AZIN1: variants seen among roughly 807,000 people sequenced by gnomAD.
AZIN1 encodes antizyme inhibitor 1.
In AZIN1, 12 loss-of-function variants were observed where a neutral mutation model predicts 47.4. The observed-to-expected ratio is 0.25, with a 90% CI of 0.16 to 0.41. AZIN1 has a LOEUF of 0.41. Ranked by LOEUF, AZIN1 falls within the 10% of genes least tolerant of loss-of-function variation. The pLI is 1.00. For synonymous variants in AZIN1, 155 were observed against 176.3 expected (o/e 0.88, Z 0.96); for missense variants, 410 against 532.4 (o/e 0.77, Z 2.26).
chr8:102,855,660 C>T (rs1310242043), intron 2 of AZIN1: 2 of 152,172 alleles, frequency 1.3e-5, no homozygotes, highest in Non-Finnish European at 2.9e-5. Flanking sequence ...GTTCATATAG[C>T]TACATGCTTT....
chr8:102,834,841 A>G, intron 6 of AZIN1, 94 bp from the exon 7 acceptor site: 1 of 785,852 alleles, frequency 1.3e-6, no homozygotes, highest in Middle Eastern at 2.4e-4. Context: ...TATTCATACC[A>G]TTAAGTATCC....
At chr8:102,851,370 A>G (rs755056851) in intron 2 of AZIN1, among the ~76,000 whole-genome samples, 4 of 152,240 alleles carry the variant, frequency 2.6e-5, no homozygotes, top group Non-Finnish European at 5.9e-5. Context: ...ATACATGTGC[A>G]ATACAGTAAT....
At chr8:102,847,894 T>TC (rs2131253931) in intron 2 of AZIN1, among the ~76,000 whole-genome samples, 1 of 152,312 alleles carries the variant, frequency 6.6e-6, no homozygotes, top group African/African-American at 2.4e-5. Flanking sequence ...TCTGTCCAGC[T>TC]CTTTCACATT....
At chr8:102,861,895 T>C (rs556301873) in intron 1 of AZIN1, among the ~76,000 whole-genome samples, 1 of 151,844 alleles carries the variant, frequency 6.6e-6, no homozygotes, top group Non-Finnish European at 1.5e-5. Context: ...AAAAATTAGC[T>C]GGGCGTGGTG....
chr8:102,834,615 A>T (rs1811699575), intron 7 of AZIN1, 51 bp downstream of exon 7: 2 of 1,414,216 alleles, frequency 1.4e-6, no homozygotes, highest in African/African-American at 1.4e-5. Context: ...TCTTTAACTT[A>T]ACATCCTGGC....
chr8:102,857,435 T>G (rs1586207984), intron 2 of AZIN1, among the ~76,000 whole-genome samples: 1 of 152,198 alleles, frequency 6.6e-6, no homozygotes, highest in African/African-American at 2.4e-5. Flanking sequence ...CCAAATTCAG[T>G]TTACTGTGGA....
chr8:102,850,650 G>A (rs1358906018), intron 2 of AZIN1, among the ~76,000 whole-genome samples: 4 of 152,084 alleles, frequency 2.6e-5, no homozygotes, highest in African/African-American at 7.2e-5. Context: ...CAAAATAAGT[G>A]ATAGACAATA....
In AZIN1 at chr8:102,830,185, A is replaced by G. The variant is rs140498379; in HGVS notation, c.905-249T>C. On this transcript the variant is annotated intron_variant, in intron 9 of 11. Coordinates refer to ENST00000337198, the MANE Select transcript of AZIN1 (RefSeq NM_148174.4). Reference sequence around the variant, plus strand: ...AGGATCACTTGAGGTCAGGAGTTCAAGATCAGCCTGAACAACATGGCAAAA... The same window carrying G: ...AGGATCACTTGAGGTCAGGAGTTCAGGATCAGCCTGAACAACATGGCAAAA... The G allele has an allele frequency of 6.3e-3, 1,881 of 299,032 alleles. 21 individuals are homozygous for G. The highest frequency in any genetic ancestry group is 0.032 in the Middle Eastern group (30 of 924). The allele number at this position is 299,032 out of a possible 1,614,324, so 18.5% of individuals were successfully genotyped here. A position where few individuals can be genotyped will look rare whatever the true frequency, so the allele number is the denominator to read the frequency against.
At position 102,829,260 on chromosome 8, in the gene AZIN1, A is replaced by C. The variant is rs1239547803; in HGVS notation, c.1235+12T>G. The C allele has an allele frequency of 6.2e-7, 1 of 1,603,480 alleles. No individual in the cohort carries two copies. The highest frequency in any genetic ancestry group is 1.7e-5 in the Admixed American group (1 of 58,642). ...CAAATATCCCATCTGCCTTAAAATA[A>C]AATCACCTTACCAATCACTGAATGA... is the stretch of plus-strand genomic sequence containing the variant. On this transcript the variant is annotated intron_variant, in intron 11 of 11. Transcript: ENST00000337198.
intron 2 of AZIN1, among the ~76,000 whole-genome samples, chr8:102,845,876 T>C (rs756808920): frequency 1.3e-5 from 2 of 152,204 alleles, no homozygotes; most frequent in African/African-American, 2.4e-5. Flanking sequence ...GCAAACTGTG[T>C]CTTTTAAGTA....
chr8:102,848,107 G>A (rs1812688129), intron 2 of AZIN1, among the ~76,000 whole-genome samples: 1 of 151,922 alleles, frequency 6.6e-6, no homozygotes, highest in Admixed American at 6.6e-5. Context: ...ACAGTAACTC[G>A]GTATACAGGA....
Position 102,838,748 on chromosome 8 carries a change from C to A in AZIN1, c.445G>T (p.Ala149Ser). 2 of 1,610,504 alleles carry A rather than the reference C, an allele frequency of 1.2e-6. No individual in the cohort carries two copies. Among genetic ancestry groups the A allele is most frequent in the South Asian group, 2.2e-5 (2 of 90,218 alleles). Residue 149 changes from alanine (A) to serine (S), a missense_variant, in exon 5 of 12, where the codon GCC (alanine) becomes TCC (serine). Coordinates refer to ENST00000337198, the MANE Select transcript of AZIN1 (RefSeq NM_148174.4). ...LKKIARNHPN[A>S]KVLLHIATED... ...AGTACTTAATTTTATACTTACTTGG[C>A]ATTTGGGTGATTACGTGCAATTTTC... is the stretch of plus-strand genomic sequence containing the variant.
chr8:102,828,792 G>A (rs554968745), intron 11 of AZIN1, 114 bp from the exon 12 acceptor site: 5 of 653,974 alleles, frequency 7.6e-6, no homozygotes, highest in African/African-American at 7.3e-5. Flanking sequence ...ACCTTTAAAA[G>A]ATCATCATTT....
Position 102,858,161 on chromosome 8 carries a change from G to A in AZIN1, c.-233-11C>T. 2.5e-6 allele frequency: 1 copy of A among 398,808 alleles called. No individual in the cohort carries two copies. Among genetic ancestry groups the A allele is most frequent in the Non-Finnish European group, 4.4e-6 (1 of 225,940 alleles). 24.7% of individuals were successfully genotyped at this position (398,808 alleles called of 1,614,324 possible). On this transcript the variant is annotated splice_polypyrimidine_tract_variant and intron_variant, in intron 1 of 11. Transcript: ENST00000337198. ...GTCAGAAAGTTCGCCCTAAAAGAAG[G>A]AAATAAAAGTAGCAGAAGATAGTCC...
intron 1 of AZIN1, among the ~76,000 whole-genome samples, chr8:102,860,396 C>T (rs548130175): frequency 6.6e-6 from 1 of 152,116 alleles, no homozygotes; most frequent in East Asian, 1.9e-4. Flanking sequence ...CCGAGTAGCT[C>T]GGATTACAGG....
intron 1 of AZIN1, among the ~76,000 whole-genome samples, chr8:102,861,808 C>T (rs1437030227): frequency 2.0e-5 from 3 of 151,758 alleles, no homozygotes; most frequent in Non-Finnish European, 4.4e-5. Context: ...TCTGGGAGGC[C>T]GAGATGGGCG....
At chr8:102,833,545 A>G (rs543623595) in intron 8 of AZIN1, among the ~76,000 whole-genome samples, 1 of 152,094 alleles carries the variant, frequency 6.6e-6, no homozygotes, top group Non-Finnish European at 1.5e-5. Flanking sequence ...TAGTTTCTAG[A>G]TATCACAGAA....
intron 9 of AZIN1, among the ~76,000 whole-genome samples, chr8:102,832,643 A>ATTTT (rs34290831): frequency 1.4e-5 from 2 of 146,990 alleles, no homozygotes; most frequent in Non-Finnish European, 3.0e-5. Flanking sequence ...TGGCTTTAAG[A>ATTTT]TTTTTTTTTT....
At chr8:102,833,568 G>A (rs1173313738) in intron 8 of AZIN1, among the ~76,000 whole-genome samples, 3 of 151,926 alleles carry the variant, frequency 2.0e-5, no homozygotes, top group Non-Finnish European at 1.5e-5. Flanking sequence ...AAGGAGGGCA[G>A]AGCAGGAAGG....
Sources: gnomAD v4.1 joint callset for allele counts (sites outside exome capture counted in the v4.1 genomes callset) on GRCh38, gnomAD v4.1.1 for gene constraint, MANE v1.5 for transcripts, NCBI Gene and HGNC (gene_info 2026-07-23, HGNC 2026-07-21) for gene names.